The following KANSL3 variants were observed in gnomAD, a reference collection of about 807,000 sequenced individuals.
KANSL3 encodes KAT8 regulatory NSL complex subunit 3, also known as NSL complex protein NSL3.
Under a neutral mutation model 89.2 loss-of-function variants are expected in KANSL3, and 16 were observed. That is an observed-to-expected ratio of 0.18 (90% CI 0.12 to 0.27). KANSL3 has a LOEUF of 0.27. Ranked by LOEUF, KANSL3 falls within the 10% of genes least tolerant of loss-of-function variation. The pLI is 1.00. For synonymous variants in KANSL3, 385 were observed against 419.7 expected (o/e 0.92, Z 1.01); for missense variants, 879 against 1,110.6 (o/e 0.79, Z 2.96).
In KANSL3 at chr2:96,602,354, G is replaced by C; in HGVS notation, c.2260-16C>G. Reference sequence around the variant, plus strand: ...CACTGGTGGCCTGTGGGACACACAAGCCCAGGTGATCAGAAGCTGTCGCCC... The same window carrying C: ...CACTGGTGGCCTGTGGGACACACAACCCCAGGTGATCAGAAGCTGTCGCCC... On this transcript the variant is annotated splice_polypyrimidine_tract_variant and intron_variant, in intron 18 of 20. Transcript: ENST00000431828. 1.3e-6 allele frequency: 2 copies of C among 1,586,746 alleles called. No homozygotes were observed. Among genetic ancestry groups the C allele is most frequent in the Non-Finnish European group, 1.7e-6 (2 of 1,163,654 alleles).
At chr2:96,583,877 C>T in the KANSL3 span, among the ~76,000 whole-genome samples, 1 of 152,184 alleles carries the variant, frequency 6.6e-6, no homozygotes, top group African/African-American at 2.4e-5. Flanking sequence ...TCCTTGCTAA[C>T]ACTCGGTATT....
intron 3 of KANSL3, among the ~76,000 whole-genome samples, chr2:96,624,107 G>A (rs1040896956): frequency 8.5e-5 from 13 of 152,226 alleles, no homozygotes; most frequent in Non-Finnish European, 1.2e-4. Flanking sequence ...CAAAGCTGAA[G>A]GGATGAAAGC....
intron 20 of KANSL3, among the ~76,000 whole-genome samples, chr2:96,599,039 T>G (rs1159233470): frequency 6.7e-6 from 1 of 149,748 alleles, no homozygotes; most frequent in African/African-American, 2.5e-5. Context: ...CTTAGCAAAC[T>G]AGAAACAGAA....
At chr2:96,598,720 G>A (rs6576977) in intron 20 of KANSL3, among the ~76,000 whole-genome samples, 5,262 of 152,010 alleles carry the variant, frequency 0.035, 321 homozygotes, top group African/African-American at 0.12. Context: ...GACAAGCCTG[G>A]ACAACATGGT....
chr2:96,628,770 CA>C (rs11287226), intron 3 of KANSL3: 106,331 of 146,626 alleles, frequency 0.73, 38,685 homozygotes, highest in African/African-American at 0.86. Flanking sequence ...GATAAACTGA[CA>C]AAAAAAAAAA....
intron 9 of KANSL3, among the ~76,000 whole-genome samples, chr2:96,611,901 A>ATGTGTGTGTGTGTGTGTGTG (rs1491403979): frequency 6.9e-4 from 22 of 31,768 alleles, no homozygotes; most frequent in African/African-American, 4.3e-3. Flanking sequence ...ATATATACCC[A>ATGTGTGTGTGTGTGTGTGTG]TATGTGTGTG....
intron 1 of KANSL3, 162 bp from the exon 2 acceptor site, chr2:96,637,347 A>T (rs2074384843): frequency 4.2e-6 from 2 of 472,264 alleles, no homozygotes; most frequent in South Asian, 4.0e-5. Context: ...CCACACCAAC[A>T]CCAAAAAAAA....
In KANSL3 at chr2:96,614,769, C is replaced by CAAAAAAAAGA. The variant is rs1210263096; in HGVS notation, c.664-1160_664-1151dup. On this transcript the variant is annotated intron_variant, in intron 5 of 20. Transcript: ENST00000431828. ...CTAGGCAACAGAGTGAGACTCTTCT[C>CAAAAAAAAGA]AAAAAAAAGAAAAAAAAAAAAAAGA... is the stretch of plus-strand genomic sequence containing the variant. Among the ~76,000 whole-genome samples the CAAAAAAAAGA allele has an allele frequency of 1.2e-4, 11 of 92,846 alleles. No individual in the cohort carries two copies. The East Asian group carries it at 3.5e-3, about 29-fold the overall frequency. The allele number at this position is 92,846 out of a possible 152,430, so 60.9% of individuals were successfully genotyped here. A position where few individuals can be genotyped will look rare whatever the true frequency, so the allele number is the denominator to read the frequency against.
Position 96,595,436 on chromosome 2 carries a change from A to G in KANSL3, c.*175T>C. The G allele has an allele frequency of 1.7e-6, 1 of 586,484 alleles. No individual in the cohort carries two copies. Among genetic ancestry groups the G allele is most frequent in the South Asian group, 2.3e-5 (1 of 43,548 alleles). 36.3% of individuals were successfully genotyped at this position (586,484 alleles called of 1,614,324 possible). ...GGACGATGGTGCTTCCCTTGCTGGC[A>G]CCGTATCACCTAACCTAATGGTTTC... On this transcript the variant is annotated 3_prime_UTR_variant, in exon 21 of 21. Coordinates refer to ENST00000431828, the MANE Select transcript of KANSL3 (RefSeq NM_001115016.3).
At chr2:96,629,409 G>A (rs991426837) in intron 3 of KANSL3, among the ~76,000 whole-genome samples, 6 of 151,924 alleles carry the variant, frequency 3.9e-5, no homozygotes, top group Non-Finnish European at 5.9e-5. Flanking sequence ...CACAACCTCC[G>A]CCTCCCAGGT....
At chr2:96,598,601 C>G (rs753249022) in intron 20 of KANSL3, among the ~76,000 whole-genome samples, 5 of 152,246 alleles carry the variant, frequency 3.3e-5, no homozygotes, top group East Asian at 1.9e-4. Context: ...AGTAACTCAT[C>G]ATTTTAACTG....
chr2:96,589,994 C>CA (rs71386016), downstream of KANSL3, among the ~76,000 whole-genome samples: 1,835 of 120,350 alleles, frequency 0.015, 26 homozygotes, highest in African/African-American at 0.039. Flanking sequence ...ACTAAAAATA[C>CA]AAAAAAAAAA....
chr2:96,627,479 T>C (rs1275907874), intron 3 of KANSL3, among the ~76,000 whole-genome samples: 3 of 152,180 alleles, frequency 2.0e-5, no homozygotes, highest in Non-Finnish European at 4.4e-5. Flanking sequence ...CCTCCCAAAG[T>C]GCTGGGATTA....
rs745525193 is a variant in KANSL3, at chr2:96,619,336, G to A, written c.663+23C>T. On this transcript the variant is annotated intron_variant, in intron 5 of 20. Transcript: ENST00000431828. ...GGAGGATGGCTATCCCTAGGACAGG[G>A]CAGACCCCAATCACAGCCTTACCTT... 5 of 1,596,974 alleles carry A rather than the reference G, an allele frequency of 3.1e-6. No homozygotes were observed. In the African/African-American group the frequency reaches 4.0e-5, roughly 13 times the overall value.
rs571521172 is a variant in KANSL3 at position 96,617,557 on chromosome 2, TAA to T, written c.663+1800_663+1801del. Among the ~76,000 whole-genome samples the T allele has an allele frequency of 2.7e-4, 33 of 124,140 alleles. 1 individual carries two copies. The highest frequency in any genetic ancestry group is 1.4e-3 in the Admixed American group (17 of 12,288). 81.4% of individuals were successfully genotyped at this position (124,140 alleles called of 152,430 possible). ...CCTGTGAAGCAGAAAGTAAAACTAT[TAA>T]AAAAAAAAAAAAAAGTGTCAAAAAC... On this transcript the variant is annotated intron_variant, in intron 5 of 20. Transcript: ENST00000431828.
At position 96,605,329 on chromosome 2, in the gene KANSL3, C is replaced by T; in HGVS notation, c.1924G>A (p.Ala642Thr). The T allele has an allele frequency of 6.2e-7, 1 of 1,609,168 alleles. No individual in the cohort carries two copies. ...ACCAAGAGAAACTCACCTTCTGGAG[C>T]ACTTCCTTGGGAAGGAGCACAAGGC... ...GGPCAPSQGS[A>T]PEAAGGKPIT... is the part of the protein sequence containing the mutation. The change falls in exon 15 of 21, where the codon GCT becomes ACT. Residue 642 changes from alanine to threonine, a missense_variant. This residue lies in a region of KANSL3 where 317 missense variants were observed against 311.2 expected (regional missense o/e 1.02). Coordinates refer to ENST00000431828, the MANE Select transcript of KANSL3 (RefSeq NM_001115016.3).
At position 96,602,772 on chromosome 2, in the gene KANSL3, G is replaced by A. The variant is rs1372698620; in HGVS notation, c.2240C>T (p.Ser747Phe). 1.9e-6 allele frequency: 3 copies of A among 1,604,410 alleles called. No individual in the cohort carries two copies. The highest frequency in any genetic ancestry group is 1.3e-5 in the African/African-American group (1 of 74,824). Reference sequence around the variant, plus strand: ...GTGCACCTGTGGGGCTGGTCCTGGGGAGGGATTTGCTGGAAGGCCAGAGGT... The same window carrying A: ...GTGCACCTGTGGGGCTGGTCCTGGGAAGGGATTTGCTGGAAGGCCAGAGGT... ...SKTSGLPANP[S>F]PGPAPQATSV... The change falls in exon 18 of 21, where the codon TCC becomes TTC. Residue 747 changes from serine to phenylalanine, a missense_variant. By Grantham distance (155) the Ser-to-Phe change is radical. Transcript: ENST00000431828.
chr2:96,629,602 G>A (rs140031577), intron 3 of KANSL3, among the ~76,000 whole-genome samples: 22 of 152,344 alleles, frequency 1.4e-4, no homozygotes, highest in African/African-American at 2.6e-4. Flanking sequence ...GATTACAGGC[G>A]TGAGAAAAGA....
Position 96,602,227 on chromosome 2 carries a change from C to T in KANSL3, c.2371G>A (p.Ala791Thr). ...GCTGTGGGCTTCCCACCAGGAGTGGCACCCAAGGAGGAGAGAGTGGTGGCC... is the reference window on the plus strand; with the variant it reads ...GCTGTGGGCTTCCCACCAGGAGTGGTACCCAAGGAGGAGAGAGTGGTGGCC... ...PVATTLSSLGATPGGKPTAIH... is the reference protein window; with the variant it reads ...PVATTLSSLGTTPGGKPTAIH... Residue 791 changes from alanine (A) to threonine (T), a missense_variant, in exon 19 of 21, where the codon GCC (alanine) becomes ACC (threonine). By Grantham distance (58) the Ala-to-Thr change is moderately conservative (BLOSUM62 0). This residue lies in a region of KANSL3 where 89 missense variants were observed against 139.7 expected (regional missense o/e 0.64). Coordinates refer to ENST00000431828, the MANE Select transcript of KANSL3 (RefSeq NM_001115016.3). The T allele has an allele frequency of 1.2e-6, 2 of 1,610,832 alleles. No individual in the cohort carries two copies. The highest frequency in any genetic ancestry group is 2.2e-5 in the East Asian group (1 of 44,784).
Sources: gnomAD v4.1 joint callset for allele counts (sites outside exome capture counted in the v4.1 genomes callset) on GRCh38, gnomAD v4.1.1 for gene constraint, gnomAD v4.1.1 regional missense constraint, MANE v1.5 for transcripts, NCBI Gene and HGNC (gene_info 2026-07-23, HGNC 2026-07-21) for gene names.